Variants in SCN10A observed in about 807,000 individuals in gnomAD.
SCN10A encodes sodium voltage-gated channel alpha subunit 10, also known as sodium channel protein type 10 subunit alpha.
Under a neutral mutation model 170.7 loss-of-function variants are expected in SCN10A, and 162 were observed. The observed-to-expected ratio is 0.95, with a 90% CI of 0.84 to 1.08. The LOEUF (loss-of-function observed/expected upper bound fraction) is 1.08, where lower values mean the gene tolerates loss of function less well. Ranked by LOEUF, SCN10A falls within the 50% of genes least tolerant of loss-of-function variation. SCN10A has a pLI of 0.00. For missense variants in SCN10A, 2,527 were observed against 2,436.9 expected, an observed-to-expected ratio of 1.04 and a Z score of -0.78; for synonymous variants, 985 against 904.6, an observed-to-expected ratio of 1.09 and a Z score of -1.59.
At chr3:38,728,299 T>C (rs893219380) in intron 16 of SCN10A, among the ~76,000 whole-genome samples, 2 of 151,920 alleles carry the variant, frequency 1.3e-5, no homozygotes, top group African/African-American at 2.4e-5. Context: ...TAGTAAATGG[T>C]GGAGCAGAGA....
At chr3:38,760,298 T>C (rs893243202) in intron 8 of SCN10A, among the ~76,000 whole-genome samples, 4 of 152,224 alleles carry the variant, frequency 2.6e-5, no homozygotes, top group Non-Finnish European at 4.4e-5. Context: ...GCTAACCTGT[T>C]TGGGGGTGAG....
rs267599805 is a variant in SCN10A, at chr3:38,739,673, A to C, written c.2122T>G (p.Phe708Val). 1 of 1,614,016 alleles carries C rather than the reference A, an allele frequency of 6.2e-7. No homozygotes were observed. The change falls in exon 15 of 28, where the codon TTT becomes GTT. Residue 708 changes from phenylalanine to valine, a missense_variant. Transcript: ENST00000449082. The stretch of plus-strand genomic sequence containing the variant: ...ATTTTGAAGACCATTTCAGCAGTAA[A>C]AAATATGGTAAAGACCTAGGAGTGG... ...QIGNIVFTIF[F>V]TAEMVFKIIA...
At chr3:38,769,681 G>A (rs1423723061) in intron 5 of SCN10A, among the ~76,000 whole-genome samples, 1 of 152,152 alleles carries the variant, frequency 6.6e-6, no homozygotes, top group African/African-American at 2.4e-5. Context: ...CTTCTCATTT[G>A]AGTAGACTAT....
chr3:38,783,887 T>A (rs1360829862), intron 4 of SCN10A, among the ~76,000 whole-genome samples: 1 of 152,072 alleles, frequency 6.6e-6, no homozygotes, highest in Non-Finnish European at 1.5e-5. Context: ...CTTTAAAAAA[T>A]TTCCCTTCTA....
At chr3:38,721,024 G>A (rs746947857) in intron 20 of SCN10A, among the ~76,000 whole-genome samples, 58 of 152,278 alleles carry the variant, frequency 3.8e-4, no homozygotes, top group Admixed American at 2.4e-3. Context: ...CACCCAGGAT[G>A]GCAGACCAGT....
intron 18 of SCN10A, 75 bp downstream of exon 18, chr3:38,725,099 C>G (rs2063438454): frequency 1.0e-5 from 14 of 1,395,298 alleles, no homozygotes; most frequent in Non-Finnish European, 1.2e-5. Flanking sequence ...TTCACCGCCA[C>G]CCTCCAGCCT....
intron 26 of SCN10A, among the ~76,000 whole-genome samples, chr3:38,705,264 A>AT (rs1244435867): frequency 3.9e-5 from 6 of 151,994 alleles, no homozygotes; most frequent in Non-Finnish European, 8.8e-5. Context: ...GGGCCAGAAT[A>AT]TTAAGGGGAG....
intron 23 of SCN10A, among the ~76,000 whole-genome samples, chr3:38,711,344 T>C (rs2063272056): frequency 6.6e-6 from 1 of 152,246 alleles, no homozygotes; most frequent in African/African-American, 2.4e-5. Context: ...TGCCTTCAGC[T>C]TTAGCATTCT....
At chr3:38,788,253 A>G (rs1369733734) in intron 4 of SCN10A, among the ~76,000 whole-genome samples, 2 of 150,054 alleles carry the variant, frequency 1.3e-5, no homozygotes, top group Non-Finnish European at 3.0e-5. Flanking sequence ...AGCTCTGCAA[A>G]GCACCTGTTA....
chr3:38,742,777 T>G (rs1009723479), intron 13 of SCN10A, among the ~76,000 whole-genome samples: 6 of 152,330 alleles, frequency 3.9e-5, no homozygotes, highest in African/African-American at 1.4e-4. Flanking sequence ...GCCCATCACC[T>G]ATATCATGTC....
In SCN10A at chr3:38,718,755, G is replaced by C. The variant is rs747712985; in HGVS notation, c.3579C>G (p.Phe1193Leu). The part of the protein sequence containing the change: ...KALLEYTDRV[F>L]TFIFVFEMLL... ...GCATCTCGAACACAAAGATAAAGGT[G>C]AAGACCCTGTCAGTGTACTCCAGCA... The change falls in exon 21 of 28, where the codon TTC becomes TTG. Residue 1193 changes from phenylalanine (F) to leucine (L), a missense_variant. By Grantham distance (22) the Phe-to-Leu change is conservative. Coordinates refer to ENST00000449082, the MANE Select transcript of SCN10A (RefSeq NM_006514.4). 6.2e-7 allele frequency: 1 copy of C among 1,614,226 alleles called. No individual in the cohort carries two copies. Among genetic ancestry groups the C allele is most frequent in the Admixed American group, 1.7e-5 (1 of 60,032 alleles).
chr3:38,781,987 C>T (rs904315233), intron 4 of SCN10A, among the ~76,000 whole-genome samples: 32 of 151,796 alleles, frequency 2.1e-4, no homozygotes, highest in African/African-American at 7.5e-4. Flanking sequence ...TAATTAAAAC[C>T]GTGTAATACA....
intron 11 of SCN10A, among the ~76,000 whole-genome samples, chr3:38,753,527 T>C (rs1449501585): frequency 6.6e-6 from 1 of 152,152 alleles, no homozygotes; most frequent in African/African-American, 2.4e-5. Flanking sequence ...TCTTGATAAT[T>C]TGAAGCCTGA....
chr3:38,797,898 C>T (rs13075748), intron 1 of SCN10A, among the ~76,000 whole-genome samples: 17,690 of 152,174 alleles, frequency 0.12, 1,187 homozygotes, highest in Middle Eastern at 0.2. Flanking sequence ...CCATAAATCC[C>T]TCCAGCTAAG....
At chr3:38,799,834 G>A (rs1237976738) in intron 1 of SCN10A, among the ~76,000 whole-genome samples, 1 of 152,064 alleles carries the variant, frequency 6.6e-6, no homozygotes, top group Non-Finnish European at 1.5e-5. Context: ...TGCATCTCCT[G>A]AGGGCCAACT....
rs1015309531 is a variant in SCN10A, at chr3:38,778,980, T to C, written c.471-7573A>G. The stretch of plus-strand genomic sequence containing the variant: ...AGTTAATACAAAATCTCCTAAAGAA[T>C]GGATTTGATAATTACTGGGAATGGA... On this transcript the variant is annotated intron_variant, in intron 4 of 27. Coordinates refer to ENST00000449082, the MANE Select transcript of SCN10A (RefSeq NM_006514.4). 3.3e-5 allele frequency among the ~76,000 whole-genome samples: 5 copies of C among 152,028 alleles called. No individual in the cohort carries two copies. In the East Asian group the frequency reaches 7.7e-4, roughly 23 times the overall value.
At chr3:38,745,069 A>G (rs2063672603) in intron 13 of SCN10A, among the ~76,000 whole-genome samples, 1 of 152,182 alleles carries the variant, frequency 6.6e-6, no homozygotes, top group African/African-American at 2.4e-5. Context: ...GGAAGTAGTC[A>G]TGAATGAGGA....
rs920453203 is a variant in SCN10A, at chr3:38,715,573, C to T, written c.3682-1493G>A. Among the ~76,000 whole-genome samples the T allele has an allele frequency of 3.3e-5, 5 of 152,174 alleles. No homozygotes were observed. The East Asian group carries it at 7.7e-4, about 23-fold the overall frequency. ...GCATACTTGTGTCTGTGCCTTTGTTCAAGGTCAGCCTTTAGCTAAGACGGG... is the reference window on the plus strand; with the variant it reads ...GCATACTTGTGTCTGTGCCTTTGTTTAAGGTCAGCCTTTAGCTAAGACGGG... On this transcript the variant is annotated intron_variant, in intron 21 of 27. Transcript: ENST00000449082.
At chr3:38,795,296 C>T (rs899930690) in intron 1 of SCN10A, among the ~76,000 whole-genome samples, 2 of 151,440 alleles carry the variant, frequency 1.3e-5, no homozygotes, top group Non-Finnish European at 2.9e-5. Context: ...TGGCTAAAGT[C>T]AGGGGGCCCT....
Sources: allele counts gnomAD v4.1 joint callset (sites outside exome capture counted in the v4.1 genomes callset), GRCh38; gene constraint gnomAD v4.1.1; transcripts MANE v1.5; gene names NCBI Gene and HGNC (gene_info 2026-07-23, HGNC 2026-07-21).